Variants in NPAS3 observed in about 807,000 individuals in gnomAD.
NPAS3 encodes the protein neuronal PAS domain-containing protein 3.
In NPAS3, 14 loss-of-function variants were observed where a neutral mutation model predicts 73.1. The ratio of observed to expected loss-of-function variants is 0.19; its 90% CI spans 0.13 to 0.30. The LOEUF (loss-of-function observed/expected upper bound fraction) is 0.30. NPAS3 is among the 10% of genes least tolerant of loss of function. The probability of loss-of-function intolerance (pLI) is 1.00; values close to 1 mark genes in which losing one functional copy is unlikely to be tolerated. For synonymous variants in NPAS3, 620 were observed against 541.5 expected (o/e 1.14, Z -2.01); for missense variants, 1,096 against 1,250.0 (o/e 0.88, Z 1.86).
Position 33,128,905 on chromosome 14 carries a change from C to T in NPAS3, c.140+72911C>T, listed in dbSNP as rs2043532922. On this transcript the variant is annotated intron_variant, in intron 2 of 11. Transcript: ENST00000356141. ...GGCTTCATGAGTGTTTTCATCAAAACTGGAAAATGGTTAGCCATCATCCTC... is the reference window on the plus strand; with the variant it reads ...GGCTTCATGAGTGTTTTCATCAAAATTGGAAAATGGTTAGCCATCATCCTC... Among the ~76,000 whole-genome samples the T allele has an allele frequency of 2.6e-5, 4 of 152,124 alleles. No individual in the cohort carries two copies. In the South Asian group the frequency reaches 8.3e-4, roughly 32 times the overall value.
chr14:33,270,631 A>G (rs1241700843), intron 3 of NPAS3, among the ~76,000 whole-genome samples: 1 of 152,224 alleles, frequency 6.6e-6, no homozygotes, highest in Non-Finnish European at 1.5e-5. Flanking sequence ...AAGAGGAATG[A>G]GGACCATTGA....
chr14:33,185,208 G>A lies in NPAS3; in HGVS notation c.141-29974G>A, dbSNP rs371523341. Among the ~76,000 whole-genome samples, 4 of 152,060 alleles carry A rather than the reference G, an allele frequency of 2.6e-5. No individual in the cohort carries two copies. The East Asian group carries it at 7.7e-4, about 29-fold the overall frequency. On this transcript the variant is annotated intron_variant, in intron 2 of 11. Coordinates refer to ENST00000356141, the Ensembl canonical transcript of NPAS3. Reference sequence around the variant, plus strand: ...AAACAAAAGTACATTCTAGAATACAGAAAAAAATGTAAGGACCATTTTCCT... The same window carrying A: ...AAACAAAAGTACATTCTAGAATACAAAAAAAAATGTAAGGACCATTTTCCT...
chr14:33,735,141 G>C (rs947119745), intron 6 of NPAS3, 73 bp from the exon 7 acceptor site: 11 of 1,000,780 alleles, frequency 1.1e-5, no homozygotes, highest in Non-Finnish European at 1.8e-5. Context: ...CTCAAGGATT[G>C]CACCTGAGCT....
chr14:33,744,600 C>A (rs140879244), intron 7 of NPAS3, among the ~76,000 whole-genome samples: 3,042 of 152,064 alleles, frequency 0.02, 38 homozygotes, highest in Middle Eastern at 0.044. Context: ...CCAGCCTGAG[C>A]AACATGGCGA....
chr14:33,738,872 T>A (rs1366954783), intron 7 of NPAS3, among the ~76,000 whole-genome samples: 1 of 152,196 alleles, frequency 6.6e-6, no homozygotes, highest in African/African-American at 2.4e-5. Flanking sequence ...TGGGGGAACT[T>A]GCTAGGTATA....
At chr14:32,994,638 T>TG (rs1310505158) in intron 1 of NPAS3, among the ~76,000 whole-genome samples, 1 of 147,238 alleles carries the variant, frequency 6.8e-6, no homozygotes, top group Non-Finnish European at 1.5e-5. Flanking sequence ...TTGTTTTTGT[T>TG]TTTTTTTTTT....
At chr14:33,147,879 A>G (rs887765865) in intron 2 of NPAS3, among the ~76,000 whole-genome samples, 2 of 151,826 alleles carry the variant, frequency 1.3e-5, no homozygotes, top group Non-Finnish European at 2.9e-5. Flanking sequence ...TTATAAATAC[A>G]GTAAGAAAAT....
chr14:33,298,826 A>G (rs2042410635), intron 3 of NPAS3, among the ~76,000 whole-genome samples: 1 of 152,216 alleles, frequency 6.6e-6, no homozygotes, highest in Admixed American at 6.5e-5. Flanking sequence ...ACTAAACAGA[A>G]TATCTGGAAT....
intron 4 of NPAS3, among the ~76,000 whole-genome samples, 189 bp downstream of exon 4, chr14:33,367,457 A>T (rs1299968996): frequency 1.3e-5 from 2 of 152,096 alleles, no homozygotes; most frequent in Non-Finnish European, 2.9e-5. Flanking sequence ...AGAGAATGTT[A>T]ATGAGAAAGG....
chr14:33,609,306 C>A (rs908171788), intron 5 of NPAS3, among the ~76,000 whole-genome samples: 3 of 152,148 alleles, frequency 2.0e-5, no homozygotes, highest in African/African-American at 7.2e-5. Context: ...ATGAATGGCA[C>A]CAAATACAAA....
At position 33,475,525 on chromosome 14, in the gene NPAS3, A is replaced by G. The variant is rs76161835; in HGVS notation, c.469-84596A>G. Among the ~76,000 whole-genome samples the G allele has an allele frequency of 2.7e-3, 401 of 147,392 alleles. 4 individuals are homozygous for G. The highest frequency in any genetic ancestry group is 9.7e-3 in the African/African-American group (379 of 39,026). The stretch of plus-strand genomic sequence containing the variant: ...AAGTTTTTATGTGTCTGAAATTTCC[A>G]TGGAGCTAGGAAGAACTAAGATCTA... On this transcript the variant is annotated intron_variant, in intron 4 of 11. Transcript: ENST00000356141.
intron 3 of NPAS3, among the ~76,000 whole-genome samples, chr14:33,275,450 C>G (rs2041287064): frequency 6.6e-6 from 1 of 152,178 alleles, no homozygotes; most frequent in African/African-American, 2.4e-5. Flanking sequence ...ATGTAGCCCA[C>G]CACTTTGATG....
chr14:33,476,222 A>G lies in NPAS3; in HGVS notation c.469-83899A>G, dbSNP rs543444093. ...TGACCATTCAACATAAAGTTTGAAC[A>G]TTGCATAAAAATATGTTTTTGACAC... On this transcript the variant is annotated intron_variant, in intron 4 of 11. Coordinates refer to ENST00000356141, the Ensembl canonical transcript of NPAS3. Among the ~76,000 whole-genome samples, 5 of 152,374 alleles carry G rather than the reference A, an allele frequency of 3.3e-5. No individual in the cohort carries two copies. The East Asian group carries it at 9.6e-4, about 29-fold the overall frequency.
At chr14:33,163,623 GTTTTTTTTTTT>G (rs71448290) in intron 2 of NPAS3, among the ~76,000 whole-genome samples, 7 of 110,622 alleles carry the variant, frequency 6.3e-5, no homozygotes, top group Non-Finnish European at 1.2e-4. Flanking sequence ...GTGTTTTGTT[GTTTTTTTTTTT>G]TTTTTTTTTC....
Position 33,055,898 on chromosome 14 carries a change from T to A in NPAS3, c.51-7T>A. The A allele has an allele frequency of 2.5e-6, 2 of 807,814 alleles. No homozygotes were observed. The highest frequency in any genetic ancestry group is 3.4e-5 in the African/African-American group (2 of 59,482). 50.0% of individuals were successfully genotyped at this position (807,814 alleles called of 1,614,324 possible). Reference sequence around the variant, plus strand: ...GTCATGTCTATCTGTTTTTGATGCCTCTACAGAATAACTGCCCAGCATCCT... The same window carrying A: ...GTCATGTCTATCTGTTTTTGATGCCACTACAGAATAACTGCCCAGCATCCT... On this transcript the variant is annotated splice_region_variant and splice_polypyrimidine_tract_variant and intron_variant, in intron 1 of 11. Coordinates refer to ENST00000356141, the Ensembl canonical transcript of NPAS3.
At chr14:33,551,378 C>T (rs10146152) in intron 4 of NPAS3, among the ~76,000 whole-genome samples, 38,471 of 151,992 alleles carry the variant, frequency 0.25, 6,239 homozygotes, top group African/African-American at 0.47. Context: ...GTCTTAAGAG[C>T]CTGTTTTTAA....
At chr14:33,780,754 G>A (rs1307830188) in intron 9 of NPAS3, 34 of 402,164 alleles carry the variant, frequency 8.5e-5, no homozygotes, top group Non-Finnish European at 9.8e-5. Flanking sequence ...CTCATTTTCC[G>A]TACCCAGAAT....
intron 2 of NPAS3, among the ~76,000 whole-genome samples, chr14:33,180,574 C>T (rs1376899683): frequency 7.2e-5 from 11 of 151,784 alleles, no homozygotes; most frequent in Non-Finnish European, 1.3e-4. Flanking sequence ...CCGAGGCAGG[C>T]GGATCATGAG....
At chr14:33,466,121 G>T (rs1312929914) in intron 4 of NPAS3, among the ~76,000 whole-genome samples, 1 of 152,110 alleles carries the variant, frequency 6.6e-6, no homozygotes, top group African/African-American at 2.4e-5. Context: ...GAGACTCACT[G>T]CCCAGGAGTA....
Sources: gnomAD v4.1 joint callset for allele counts (sites outside exome capture counted in the v4.1 genomes callset) on GRCh38, gnomAD v4.1.1 for gene constraint, MANE v1.5 for transcripts, NCBI Gene and HGNC (gene_info 2026-07-23, HGNC 2026-07-21) for gene names.